The following TNR variants were observed in gnomAD, a reference collection of about 807,000 sequenced individuals.
TNR encodes tenascin-R.
In TNR, 45 loss-of-function variants were observed where a neutral mutation model predicts 150.4. That is an observed-to-expected ratio of 0.30 (90% CI 0.24 to 0.38). The LOEUF (loss-of-function observed/expected upper bound fraction) is 0.38, where lower values mean the gene tolerates loss of function less well. Ranked by LOEUF, TNR falls within the 10% of genes least tolerant of loss-of-function variation. The pLI is 1.00. For synonymous variants in TNR, 687 were observed against 678.4 expected (o/e 1.01, Z -0.20); for missense variants, 1,544 against 1,759.1 (o/e 0.88, Z 2.19).
chr1:175,480,785 C>T (rs1195128800), intron 2 of TNR, among the ~76,000 whole-genome samples: 1 of 152,042 alleles, frequency 6.6e-6, no homozygotes, highest in East Asian at 1.9e-4. Flanking sequence ...TTTTTCTGAC[C>T]TCCCTCTTTT....
At position 175,319,781 on chromosome 1, in the gene TNR, C is replaced by G. The variant is rs971036298; in HGVS notation, c.*3576G>C. On this transcript the variant is annotated 3_prime_UTR_variant, in exon 23 of 23. Coordinates refer to ENST00000367674, the MANE Select transcript of TNR (RefSeq NM_003285.3). Reference sequence around the variant, plus strand: ...TTGGAGACGTGGCCTTTCTCAACCCCGCTGACGTTTCACACGGGGTTTCAG... The same window carrying G: ...TTGGAGACGTGGCCTTTCTCAACCCGGCTGACGTTTCACACGGGGTTTCAG... 3 of 152,216 alleles carry G rather than the reference C, an allele frequency of 2.0e-5. No homozygotes were observed. Among genetic ancestry groups the G allele is most frequent in the Admixed American group, 6.5e-5 (1 of 15,276 alleles). The allele number at this position is 152,216 out of a possible 1,614,324, so 9.4% of individuals were successfully genotyped here.
intron 1 of TNR, among the ~76,000 whole-genome samples, chr1:175,624,854 C>T (rs572553993): frequency 6.6e-5 from 10 of 152,202 alleles, no homozygotes; most frequent in African/African-American, 1.7e-4. Flanking sequence ...CAAAGACAAT[C>T]GTATTCTATT....
chr1:175,444,761 G>A (rs1655959483), intron 2 of TNR, among the ~76,000 whole-genome samples: 2 of 152,218 alleles, frequency 1.3e-5, no homozygotes, highest in South Asian at 4.1e-4. Flanking sequence ...CCAACAGGCT[G>A]CTGTTGGATA....
At chr1:175,651,591 T>C (rs1182737208) in intron 1 of TNR, among the ~76,000 whole-genome samples, 1 of 151,990 alleles carries the variant, frequency 6.6e-6, no homozygotes, top group Non-Finnish European at 1.5e-5. Flanking sequence ...ATTGAAGAAC[T>C]CCTTCCAGAG....
chr1:175,468,774 G>A (rs1657146130), intron 2 of TNR, among the ~76,000 whole-genome samples: 1 of 152,182 alleles, frequency 6.6e-6, no homozygotes, highest in African/African-American at 2.4e-5. Flanking sequence ...TGGAGCCTGA[G>A]GTGGAGGCCA....
intron 9 of TNR, among the ~76,000 whole-genome samples, chr1:175,369,668 C>G (rs916332835): frequency 1.1e-4 from 2 of 18,490 alleles, no homozygotes; most frequent in Non-Finnish European, 1.6e-4. Flanking sequence ...CTAGAGATGC[C>G]CCCCCGGATT....
At chr1:175,718,424 C>T (rs1388619247) in intron 1 of TNR, among the ~76,000 whole-genome samples, 1 of 152,176 alleles carries the variant, frequency 6.6e-6, no homozygotes, top group Non-Finnish European at 1.5e-5. Context: ...TCCTATTCAT[C>T]CCCTGAAACC....
intron 2 of TNR, among the ~76,000 whole-genome samples, chr1:175,475,167 A>G (rs139816968): frequency 1.3e-3 from 202 of 151,940 alleles, no homozygotes; most frequent in African/African-American, 4.8e-3. Context: ...CCTTCCCTCT[A>G]TTTCCTGGCA....
intron 20 of TNR, among the ~76,000 whole-genome samples, chr1:175,331,648 C>T (rs1195310154): frequency 6.6e-6 from 1 of 152,214 alleles, no homozygotes; most frequent in Non-Finnish European, 1.5e-5. Flanking sequence ...CCTGCCCAAA[C>T]TTTGAACCAT....
chr1:175,713,119 G>A (rs768882870), intron 1 of TNR, among the ~76,000 whole-genome samples: 19 of 152,188 alleles, frequency 1.2e-4, no homozygotes, highest in Non-Finnish European at 1.3e-4. Context: ...CGATAGGCTG[G>A]GATCAACCAA....
chr1:175,503,634 G>A (rs956246259), intron 2 of TNR, among the ~76,000 whole-genome samples: 2 of 152,168 alleles, frequency 1.3e-5, no homozygotes, highest in Non-Finnish European at 2.9e-5. Flanking sequence ...TTCCACAAGG[G>A]CAGCTTTCTC....
chr1:175,335,072 C>G (rs571510404), intron 20 of TNR, among the ~76,000 whole-genome samples: 1 of 152,152 alleles, frequency 6.6e-6, no homozygotes, highest in African/African-American at 2.4e-5. Context: ...CTCCCTTTAT[C>G]CATCACTATG....
chr1:175,475,639 C>T (rs574427277), intron 2 of TNR, among the ~76,000 whole-genome samples: 3 of 152,338 alleles, frequency 2.0e-5, no homozygotes, highest in Non-Finnish European at 4.4e-5. Flanking sequence ...TCCTGAAATA[C>T]TCTTTTCCTT....
intron 1 of TNR, among the ~76,000 whole-genome samples, chr1:175,721,306 A>C (rs1244378736): frequency 1.3e-5 from 2 of 152,024 alleles, no homozygotes; most frequent in Non-Finnish European, 2.9e-5. Context: ...TTACATGTTT[A>C]TTATCTATTT....
At position 175,391,319 on chromosome 1, in the gene TNR, G is replaced by A. The variant is rs959317517; in HGVS notation, c.1476C>T (p.Arg492=). 1 of 1,613,990 alleles carries A rather than the reference G, an allele frequency of 6.2e-7. No homozygotes were observed. Among genetic ancestry groups the A allele is most frequent in the African/African-American group, 1.3e-5 (1 of 74,906 alleles). Residue 492 remains arginine, a synonymous_variant, in exon 7 of 23, where the codon CGC becomes CGT. Coordinates refer to ENST00000367674, the MANE Select transcript of TNR (RefSeq NM_003285.3). ...VNVVALKEQA[R]SPPTSASVST... ...AGACGCTGGCCGAGGTAGGGGGGCT[G>A]CGGGCCTGTTCTTTCAGAGCCACCA...
intron 2 of TNR, among the ~76,000 whole-genome samples, chr1:175,526,693 G>A (rs1020718233): frequency 6.6e-6 from 1 of 152,206 alleles, no homozygotes; most frequent in African/African-American, 2.4e-5. Flanking sequence ...AAAATAAGCT[G>A]CTTCAAATGC....
chr1:175,678,579 G>T (rs1407086616), intron 1 of TNR, among the ~76,000 whole-genome samples: 3 of 152,144 alleles, frequency 2.0e-5, no homozygotes, highest in Non-Finnish European at 4.4e-5. Context: ...GCTTCCTCTG[G>T]CCAGATATCC....
At chr1:175,585,740 A>G (rs1414800401) in intron 1 of TNR, among the ~76,000 whole-genome samples, 1 of 152,170 alleles carries the variant, frequency 6.6e-6, no homozygotes, top group East Asian at 1.9e-4. Context: ...CTGTTCTCAC[A>G]TGGTCAGCCT....
At chr1:175,462,991 C>T (rs1656884252) in intron 2 of TNR, among the ~76,000 whole-genome samples, 1 of 152,188 alleles carries the variant, frequency 6.6e-6, no homozygotes, top group African/African-American at 2.4e-5. Flanking sequence ...GAAACTGTTT[C>T]TGTAGAATGT....
Sources: gnomAD v4.1 joint callset for allele counts (sites outside exome capture counted in the v4.1 genomes callset) on GRCh38, gnomAD v4.1.1 for gene constraint, MANE v1.5 for transcripts, NCBI Gene and HGNC (gene_info 2026-07-23, HGNC 2026-07-21) for gene names.